SUPT6H: variants seen among roughly 807,000 people sequenced by gnomAD.
The protein encoded by SUPT6H is transcription elongation factor SPT6.
Under a neutral mutation model 222.3 loss-of-function variants are expected in SUPT6H, and 11 were observed. The ratio of observed to expected loss-of-function variants is 0.05; its 90% CI spans 0.03 to 0.08. The LOEUF (loss-of-function observed/expected upper bound fraction) is 0.08, where lower values mean the gene tolerates loss of function less well. SUPT6H is among the 10% of genes least tolerant of loss of function. The pLI is 1.00. For missense variants in SUPT6H, 1,422 were observed against 2,216.0 expected (o/e 0.64, Z 7.19); for synonymous variants, 762 against 801.2 (o/e 0.95, Z 0.83).
Position 28,696,743 on chromosome 17 carries a change from C to CCAACT in SUPT6H, c.3971-97_3971-93dup, listed in dbSNP as rs1280347497. On this transcript the variant is annotated intron_variant, in intron 29 of 36. Coordinates refer to ENST00000314616, the MANE Select transcript of SUPT6H (RefSeq NM_003170.5). ...ACTCCAGCCCAGATGACAGAGCACC[C>CCAACT]CAACTCAATAAATAAATAAGAAATG... 2.9e-5 allele frequency: 32 copies of CCAACT among 1,111,272 alleles called. No homozygotes were observed. The East Asian group carries it at 7.3e-4, about 26-fold the overall frequency. 68.8% of individuals were successfully genotyped at this position (1,111,272 alleles called of 1,614,324 possible).
intron 3 of SUPT6H, 24 bp from the exon 4 acceptor site, chr17:28,674,513 A>G (rs773357105): frequency 1.9e-6 from 3 of 1,614,208 alleles, no homozygotes; most frequent in Non-Finnish European, 2.5e-6. Flanking sequence ...CCCCATCACC[A>G]TGGGCAACAC....
Position 28,691,362 on chromosome 17 carries a change from C to A in SUPT6H, c.3633+299C>A, listed in dbSNP as rs374644373. The A allele has an allele frequency of 1.4e-5, 4 of 291,350 alleles. No homozygotes were observed. The South Asian group carries it at 1.9e-4, about 14-fold the overall frequency. 18.0% of individuals were successfully genotyped at this position (291,350 alleles called of 1,614,324 possible). ...CCAAGATGGTGAACCCCCGTCTCTA[C>A]TAAAAATACAAAAATTAGCCAGTTG... On this transcript the variant is annotated intron_variant, in intron 27 of 36. Transcript: ENST00000314616.
chr17:28,686,875 G>T, intron 21 of SUPT6H, 86 bp downstream of exon 21: 10 of 1,482,864 alleles, frequency 6.7e-6, no homozygotes, highest in Non-Finnish European at 8.1e-6. Flanking sequence ...AAAGTTATCA[G>T]GGGCACAGGA....
At position 28,689,402 on chromosome 17, in the gene SUPT6H, G is replaced by A; in HGVS notation, c.3183G>A (p.Glu1061=). ...EVLDGSRVHP[E]TYEWARKMAV... ...TTGATGGTTCCCGTGTCCACCCTGAGACTTATGAGTGGGCTAGGAAGATGG... is the reference window on the plus strand; with the variant it reads ...TTGATGGTTCCCGTGTCCACCCTGAAACTTATGAGTGGGCTAGGAAGATGG... Residue 1061 remains glutamate, a synonymous_variant, in exon 25 of 37, where the codon GAG becomes GAA. Transcript: ENST00000314616. 6.2e-7 allele frequency: 1 copy of A among 1,614,190 alleles called. No individual in the cohort carries two copies.
At chr17:28,672,593 TA>T (rs1330579938) in intron 1 of SUPT6H, 1 of 152,162 alleles carries the variant, frequency 6.6e-6, no homozygotes, top group Non-Finnish European at 1.5e-5. Context: ...TTTGTATTTT[TA>T]GTAGAGACGG....
chr17:28,698,648 G>T (rs1567706266), intron 32 of SUPT6H, among the ~76,000 whole-genome samples: 1 of 152,254 alleles, frequency 6.6e-6, no homozygotes, highest in Non-Finnish European at 1.5e-5. Flanking sequence ...AATCACACTT[G>T]CTTCTCTGCC....
chr17:28,698,838 C>A (rs567655348), intron 32 of SUPT6H, among the ~76,000 whole-genome samples: 19 of 152,238 alleles, frequency 1.2e-4, no homozygotes, highest in Non-Finnish European at 2.4e-4. Flanking sequence ...ATATTGTGCT[C>A]ATTTCTTGAG....
rs2031308017 is a variant in SUPT6H at position 28,684,973 on chromosome 17, G to A, written c.2487+12G>A. On this transcript the variant is annotated intron_variant, in intron 19 of 36. Transcript: ENST00000314616. ...AGCGGGAAAAGAAGGCAAGTGGCTA[G>A]GACGAGGATACTAAGTGTACATCTG... 6.2e-7 allele frequency: 1 copy of A among 1,609,190 alleles called. No individual in the cohort carries two copies. The highest frequency in any genetic ancestry group is 8.5e-7 in the Non-Finnish European group (1 of 1,176,476).
chr17:28,674,048 G>C lies in SUPT6H; in HGVS notation c.110-235G>C, dbSNP rs112267475. 2.2e-3 allele frequency among the ~76,000 whole-genome samples: 334 copies of C among 152,300 alleles called. 3 individuals carry two copies. The highest frequency in any genetic ancestry group is 7.1e-3 in the African/African-American group (297 of 41,556). On this transcript the variant is annotated intron_variant, in intron 2 of 36. Coordinates refer to ENST00000314616, the MANE Select transcript of SUPT6H (RefSeq NM_003170.5). ...AATGATTTTGAGAAGCCAAAGTGACGGGGAAGATCATCCTGCCCAAAGACA... is the reference window on the plus strand; with the variant it reads ...AATGATTTTGAGAAGCCAAAGTGACCGGGAAGATCATCCTGCCCAAAGACA...
At chr17:28,699,640 A>G in intron 32 of SUPT6H, 141 bp from the exon 33 acceptor site, 1 of 752,744 alleles carries the variant, frequency 1.3e-6, no homozygotes, top group Admixed American at 1.8e-5. Context: ...ACCTCCCTTC[A>G]CAGGCCTGGG....
intron 17 of SUPT6H, among the ~76,000 whole-genome samples, chr17:28,684,139 G>A (rs1199830225): frequency 6.6e-6 from 1 of 152,074 alleles, no homozygotes; most frequent in Non-Finnish European, 1.5e-5. Flanking sequence ...TGGGATTACA[G>A]GCGTGAGCCA....
In SUPT6H at chr17:28,681,292, T is replaced by C; in HGVS notation, c.1386T>C (p.Asp462=). ...KDVQSMDELK[D]VYNHFLLYYG... ...TCCAATCAATGGATGAGCTGAAAGA[T>C]GTCTACAACCATTTTCTTCTTTATT... Residue 462 remains aspartate, a synonymous_variant, in exon 12 of 37, where the codon GAT becomes GAC. Transcript: ENST00000314616. 6.2e-7 allele frequency: 1 copy of C among 1,614,094 alleles called. No individual in the cohort carries two copies. The highest frequency in any genetic ancestry group is 8.5e-7 in the Non-Finnish European group (1 of 1,180,030).
intron 35 of SUPT6H, 156 bp downstream of exon 35, chr17:28,700,668 G>A: frequency 9.0e-7 from 1 of 1,117,134 alleles, no homozygotes; most frequent in South Asian, 1.6e-5. Context: ...CCATTTGAAG[G>A]GGAAGAGGGT....
At chr17:28,675,282 C>A in intron 5 of SUPT6H, 119 bp from the exon 6 acceptor site, 1 of 1,482,286 alleles carries the variant, frequency 6.7e-7, no homozygotes. Flanking sequence ...CAAAGAAGTT[C>A]CTTTTCAGGA....
chr17:28,665,750 C>T (rs569148346), intron 1 of SUPT6H, among the ~76,000 whole-genome samples: 57 of 152,012 alleles, frequency 3.7e-4, no homozygotes, highest in African/African-American at 1.2e-3. Flanking sequence ...GGCAATGGAG[C>T]GAGACTCTGT....
Position 28,695,687 on chromosome 17 carries a change from G to A in SUPT6H, c.3970+140G>A, listed in dbSNP as rs1273828040. Reference sequence around the variant, plus strand: ...CTTTGAGGTGCTAAGGCCTGGAGATGTCATGAAAAAGTCATAGGTAGGGCT... The same window carrying A: ...CTTTGAGGTGCTAAGGCCTGGAGATATCATGAAAAAGTCATAGGTAGGGCT... On this transcript the variant is annotated intron_variant, in intron 29 of 36. Coordinates refer to ENST00000314616, the MANE Select transcript of SUPT6H (RefSeq NM_003170.5). 9.8e-6 allele frequency: 10 copies of A among 1,017,358 alleles called. No homozygotes were observed. The East Asian group carries it at 1.1e-4, about 11-fold the overall frequency. 63.0% of individuals were successfully genotyped at this position (1,017,358 alleles called of 1,614,324 possible).
At chr17:28,700,906 C>CA (rs761795374) in intron 35 of SUPT6H, 35 bp from the exon 36 acceptor site, 1 of 1,581,528 alleles carries the variant, frequency 6.3e-7, no homozygotes, top group Non-Finnish European at 8.6e-7. Flanking sequence ...ACAAGCCCCA[C>CA]ACCCATCCCT....
intron 19 of SUPT6H, 132 bp downstream of exon 19, chr17:28,685,093 C>G: frequency 1.2e-6 from 1 of 837,212 alleles, no homozygotes; most frequent in East Asian, 2.8e-5. Flanking sequence ...CTGACTTGTC[C>G]CCTGGGATGC....
At position 28,684,744 on chromosome 17, in the gene SUPT6H, C is replaced by G; in HGVS notation, c.2369+19C>G. 1 of 1,613,524 alleles carries G rather than the reference C, an allele frequency of 6.2e-7. No individual in the cohort carries two copies. The highest frequency in any genetic ancestry group is 8.5e-7 in the Non-Finnish European group (1 of 1,179,472). On this transcript the variant is annotated intron_variant, in intron 18 of 36. Coordinates refer to ENST00000314616, the MANE Select transcript of SUPT6H (RefSeq NM_003170.5). The stretch of plus-strand genomic sequence containing the variant: ...CTGCCAGGTAACAGCCTATTTTTGC[C>G]TCCCCAGCACCATCTCTTGTCTTCC...
Sources: gnomAD v4.1 joint callset for allele counts (sites outside exome capture counted in the v4.1 genomes callset) on GRCh38, gnomAD v4.1.1 for gene constraint, MANE v1.5 for transcripts, NCBI Gene and HGNC (gene_info 2026-07-23, HGNC 2026-07-21) for gene names.